Variants in LIMCH1 observed in about 807,000 individuals in gnomAD.
LIMCH1 encodes the protein LIM and calponin homology domains 1.
A neutral mutation model predicts 176.5 loss-of-function variants in LIMCH1; 113 were observed. The observed-to-expected ratio is 0.64, with a 90% CI of 0.55 to 0.75. The LOEUF (loss-of-function observed/expected upper bound fraction) is 0.75, where lower values mean the gene tolerates loss of function less well. Among genes scored for constraint, LIMCH1 ranks in the 30% least tolerant of loss-of-function variants. The probability of loss-of-function intolerance (pLI) is 0.00; values close to 1 mark genes in which losing one functional copy is unlikely to be tolerated. For missense variants in LIMCH1, 1,674 were observed against 1,814.9 expected (o/e 0.92, Z 1.41); for synonymous variants, 619 against 645.9 (o/e 0.96, Z 0.63).
chr4:41,396,784 TC>T (rs1489713857), intron 1 of LIMCH1, among the ~76,000 whole-genome samples: 1 of 151,788 alleles, frequency 6.6e-6, no homozygotes, highest in Admixed American at 6.6e-5. Context: ...GCACCTGTAA[TC>T]CCAACTACTT....
rs184363893 is a variant in LIMCH1 at position 41,682,117 on chromosome 4, A to G, written c.3718-216A>G. 4.8e-3 allele frequency among the ~76,000 whole-genome samples: 736 copies of G among 152,358 alleles called. 6 individuals carry two copies. The highest frequency in any genetic ancestry group is 0.019 in the South Asian group (91 of 4,828). ...TTTATTTTGAAAGAGGGGTTTTCTA[A>G]TCAATTCCCTTTTGTGATAACTTTC... On this transcript the variant is annotated intron_variant, in intron 25 of 31. Transcript: ENST00000503057.
At chr4:41,648,706 T>G (rs1251381156) in intron 17 of LIMCH1, among the ~76,000 whole-genome samples, 1 of 145,032 alleles carries the variant, frequency 6.9e-6, no homozygotes, top group Non-Finnish European at 1.5e-5. Context: ...TGTGTCTTCT[T>G]GGAGGGCAGG....
chr4:41,666,715 G>C (rs755505491), intron 21 of LIMCH1, 49 bp downstream of exon 21: 1 of 1,181,128 alleles, frequency 8.5e-7, no homozygotes, highest in Non-Finnish European at 1.3e-6. Context: ...GGGCCCATCT[G>C]TAGTAAACTA....
chr4:41,670,829 C>G (rs774124016), intron 21 of LIMCH1: 2 of 1,533,466 alleles, frequency 1.3e-6, no homozygotes, highest in East Asian at 4.9e-5. Context: ...TTCTTTTGTG[C>G]GAAAATCCAT....
chr4:41,526,907 T>A (rs1243702777), intron 3 of LIMCH1, among the ~76,000 whole-genome samples: 2 of 152,218 alleles, frequency 1.3e-5, no homozygotes, highest in African/African-American at 4.8e-5. Context: ...GCCATCCTCA[T>A]CTCTTGCCTG....
chr4:41,680,691 G>A (rs1207178768), intron 24 of LIMCH1, among the ~76,000 whole-genome samples: 1 of 152,116 alleles, frequency 6.6e-6, no homozygotes, highest in Non-Finnish European at 1.5e-5. Flanking sequence ...ATCCCTAATA[G>A]CATTTCTAAT....
chr4:41,540,664 G>A (rs771439085), intron 1 of LIMCH1, among the ~76,000 whole-genome samples: 2 of 152,092 alleles, frequency 1.3e-5, no homozygotes, highest in East Asian at 1.9e-4. Context: ...GCTTGAACCC[G>A]GGAGGTGGAG....
intron 1 of LIMCH1, among the ~76,000 whole-genome samples, chr4:41,376,972 C>CA (rs1264929241): frequency 6.6e-6 from 1 of 151,984 alleles, no homozygotes; most frequent in Admixed American, 6.6e-5. Flanking sequence ...TATATCTTAA[C>CA]AAAAAATCTG....
In LIMCH1 at chr4:41,676,377, A is replaced by G; in HGVS notation, c.3439-5A>G. On this transcript the variant is annotated splice_polypyrimidine_tract_variant and splice_region_variant and intron_variant, in intron 22 of 31. Transcript: ENST00000503057. ...TTCTGATCATGGTTTCATTTTTCTA[A>G]GCAGTTTAAGTTCTGGGCATGGGAC... is the stretch of plus-strand genomic sequence containing the variant. 6.2e-7 allele frequency: 1 copy of G among 1,612,540 alleles called. No individual in the cohort carries two copies. Among genetic ancestry groups the G allele is most frequent in the Non-Finnish European group, 8.5e-7 (1 of 1,178,784 alleles).
intron 24 of LIMCH1, 103 bp from the exon 25 acceptor site, chr4:41,680,852 A>C (rs1262368953): frequency 1.6e-6 from 1 of 620,686 alleles, no homozygotes; most frequent in Non-Finnish European, 2.9e-6. Flanking sequence ...TGCTTGTTCG[A>C]ACATATTCTG....
At chr4:41,365,655 T>C (rs116297480) in intron 1 of LIMCH1, among the ~76,000 whole-genome samples, 19 of 152,342 alleles carry the variant, frequency 1.2e-4, no homozygotes, top group African/African-American at 4.1e-4. Flanking sequence ...TCTGGCTAGA[T>C]CAAGGAAGGA....
chr4:41,663,021 A>G (rs763071871), intron 20 of LIMCH1, 37 bp downstream of exon 20: 6 of 1,591,120 alleles, frequency 3.8e-6, no homozygotes, highest in Non-Finnish European at 5.2e-6. Context: ...TTAAACCCAC[A>G]AGTTAACATG....
chr4:41,394,510 C>T (rs7693025), intron 1 of LIMCH1, among the ~76,000 whole-genome samples: 64,516 of 152,020 alleles, frequency 0.42, 17,195 homozygotes, highest in African/African-American at 0.76. Context: ...TGCAGCTGTA[C>T]TCTGGGGCTT....
chr4:41,568,491 C>A (rs2083074885), intron 1 of LIMCH1, among the ~76,000 whole-genome samples: 1 of 152,108 alleles, frequency 6.6e-6, no homozygotes, highest in Non-Finnish European at 1.5e-5. Flanking sequence ...ACAGTGGTGA[C>A]ATAATGTTCT....
Position 41,612,683 on chromosome 4 carries a change from A to G in LIMCH1, c.10-783A>G, listed in dbSNP as rs976126537. 3 of 701,992 alleles carry G rather than the reference A, an allele frequency of 4.3e-6. No individual in the cohort carries two copies. The African/African-American group carries it at 5.3e-5, about 12-fold the overall frequency. The allele number at this position is 701,992 out of a possible 1,614,324, so 43.5% of individuals were successfully genotyped here. A position where few individuals can be genotyped will look rare whatever the true frequency, so the allele number is the denominator to read the frequency against. On this transcript the variant is annotated intron_variant, in intron 4 of 31. Transcript: ENST00000503057. ...GTGCTGCTTGTGCTGGAAAGAATTT[A>G]TAATCACAGGCTGTCAAAGACAGCC...
chr4:41,611,901 C>T (rs1157013010), intron 4 of LIMCH1, among the ~76,000 whole-genome samples: 1 of 152,166 alleles, frequency 6.6e-6, no homozygotes, highest in Non-Finnish European at 1.5e-5. Flanking sequence ...GTCATGAGTT[C>T]TTCCTTTTTC....
chr4:41,397,160 T>C (rs904512107), intron 1 of LIMCH1, among the ~76,000 whole-genome samples: 22 of 152,214 alleles, frequency 1.4e-4, no homozygotes, highest in Non-Finnish European at 2.9e-5. Flanking sequence ...ATTTCCTTGC[T>C]TCTAAGAAAG....
chr4:41,370,377 AT>A (rs1403813703), intron 1 of LIMCH1, among the ~76,000 whole-genome samples: 7 of 150,722 alleles, frequency 4.6e-5, no homozygotes, highest in Non-Finnish European at 1.0e-4. Flanking sequence ...TTAGACAGGT[AT>A]TTTTAAAGGA....
At position 41,452,732 on chromosome 4, in the gene LIMCH1, A is replaced by G. The variant is rs114468903; in HGVS notation, c.97-41804A>G. Among the ~76,000 whole-genome samples, 162 of 152,294 alleles carry G rather than the reference A, an allele frequency of 1.1e-3. 1 individual carries two copies. The highest frequency in any genetic ancestry group is 3.5e-3 in the South Asian group (17 of 4,830). On this transcript the variant is annotated intron_variant, in intron 1 of 26. Coordinates refer to the LIMCH1 transcript ENST00000313860. ...CCGCAAGGCCAGTTTCACATGCCAA[A>G]TCTTCTGCAAAGCCTTCCTCAATCC...
Sources: gnomAD v4.1 joint callset for allele counts (sites outside exome capture counted in the v4.1 genomes callset) on GRCh38, gnomAD v4.1.1 for gene constraint, MANE v1.5 for transcripts, NCBI Gene and HGNC (gene_info 2026-07-23, HGNC 2026-07-21) for gene names.